The following TRPM1 variants were observed in gnomAD, a reference collection of about 807,000 sequenced individuals.
TRPM1 encodes the protein transient receptor potential cation channel subfamily M member 1.
Under a neutral mutation model 149.4 loss-of-function variants are expected in TRPM1, and 113 were observed. The observed-to-expected ratio is 0.76, with a 90% CI of 0.65 to 0.88. TRPM1 has a LOEUF of 0.88. Among genes scored for constraint, TRPM1 ranks in the 40% least tolerant of loss-of-function variants. The probability of loss-of-function intolerance (pLI) is 0.00; values close to 1 mark genes in which losing one functional copy is unlikely to be tolerated. For synonymous variants in TRPM1, 741 were observed against 759.5 expected (o/e 0.98, Z 0.40); for missense variants, 1,976 against 2,038.7 (o/e 0.97, Z 0.59).
At chr15:31,042,293 A>G in intron 16 of TRPM1, 50 bp from the exon 17 acceptor site, 3 of 1,542,314 alleles carry the variant, frequency 1.9e-6, no homozygotes, top group South Asian at 2.4e-5. Flanking sequence ...AGTATGCAAC[A>G]AAGAGTTCCA....
intron 3 of TRPM1, among the ~76,000 whole-genome samples, chr15:31,072,348 T>C (rs923043985): frequency 2.6e-5 from 4 of 152,150 alleles, no homozygotes; most frequent in Admixed American, 2.6e-4. Flanking sequence ...TAGCATGTGT[T>C]GGTACTTCAC....
chr15:31,140,883 G>C (rs1277750168), intron 1 of TRPM1, among the ~76,000 whole-genome samples: 3 of 151,864 alleles, frequency 2.0e-5, no homozygotes, highest in Non-Finnish European at 4.4e-5. Flanking sequence ...GTGTGGTGGT[G>C]CCATCTCAGC....
At chr15:31,071,421 T>C (rs56242510) in intron 3 of TRPM1, among the ~76,000 whole-genome samples, 27,892 of 152,180 alleles carry the variant, frequency 0.18, 2,862 homozygotes, top group Admixed American at 0.28. Flanking sequence ...ACGTGTGTAA[T>C]GCACATGTGC....
intron 1 of TRPM1, among the ~76,000 whole-genome samples, chr15:31,159,683 T>C (rs1265510604): frequency 6.6e-6 from 1 of 152,214 alleles, no homozygotes; most frequent in African/African-American, 2.4e-5. Context: ...TTATTTTTTC[T>C]ATTTGCATTT....
chr15:31,140,471 A>T (rs2036147661), intron 1 of TRPM1, among the ~76,000 whole-genome samples: 1 of 152,038 alleles, frequency 6.6e-6, no homozygotes, highest in Admixed American at 6.6e-5. Context: ...CTGGGGTGGG[A>T]CCCCTCATGA....
chr15:31,043,286 C>G (rs911369866), intron 16 of TRPM1, among the ~76,000 whole-genome samples: 1 of 152,174 alleles, frequency 6.6e-6, no homozygotes, highest in Non-Finnish European at 1.5e-5. Flanking sequence ...CTCTGCCTCC[C>G]GGGTTCATGC....
intron 27 of TRPM1, among the ~76,000 whole-genome samples, chr15:31,020,540 T>C (rs12901022): frequency 0.55 from 84,074 of 152,200 alleles, 24,290 homozygotes; most frequent in African/African-American, 0.7. Flanking sequence ...CTTGCATCTT[T>C]GTTATTCCTG....
At position 31,061,392 on chromosome 15, in the gene TRPM1, G is replaced by A. The variant is rs144146947; in HGVS notation, c.1162+50C>T. ...GGGAGGCCGGGAGGGAAGGATTGCCGGCTAGGCCAACATCAGAGGGACAGG... is the reference window on the plus strand; with the variant it reads ...GGGAGGCCGGGAGGGAAGGATTGCCAGCTAGGCCAACATCAGAGGGACAGG... On this transcript the variant is annotated intron_variant, in intron 10 of 27. Transcript: ENST00000256552. The A allele has an allele frequency of 1.5e-4, 243 of 1,579,920 alleles. No homozygotes were observed. In the African/African-American group the frequency reaches 2.8e-3, roughly 18 times the overall value.
Position 31,160,919 on chromosome 15 carries a change from G to C in TRPM1, c.41C>G (p.Ser14Ter). 1 of 1,535,542 alleles carries C rather than the reference G, an allele frequency of 6.5e-7. No individual in the cohort carries two copies. The highest frequency in any genetic ancestry group is 8.7e-7 in the Non-Finnish European group (1 of 1,146,740). Residue 14 changes from serine (S) to a stop codon, truncating the protein, a stop_gained, in exon 1 of 27, where the codon TCA becomes TGA. Coordinates refer to the TRPM1 transcript ENST00000542188. LOFTEE classifies it high-confidence loss of function. ...AAGCTCACTCACCTTCTGCGACCCT[G>C]ATGTGGAGCTCTTGAGCGAGCCCCG...
chr15:31,060,120 C>CGGACACACACAT, intron 11 of TRPM1: 2 of 90,744 alleles, frequency 2.2e-5, no homozygotes, highest in South Asian at 1.9e-4. Context: ...TACACACATA[C>CGGACACACACAT]AGACACACAC....
rs540844421 is a variant in TRPM1 at position 31,082,855 on chromosome 15, AC to A, written c.-83-1418del. On this transcript the variant is annotated intron_variant, in intron 1 of 27. Coordinates refer to ENST00000256552, the MANE Select transcript of TRPM1 (RefSeq NM_001252024.2). ...GAGGAAGTGTAGACAGCAAGTGTCA[AC>A]CCCGAGGAGAAGTCTTCCCCTGAAG... 5.3e-5 allele frequency among the ~76,000 whole-genome samples: 8 copies of A among 152,224 alleles called. No individual in the cohort carries two copies. In the South Asian group the frequency reaches 1.7e-3, roughly 32 times the overall value.
chr15:31,060,585 T>G lies in TRPM1; in HGVS notation c.1222A>C (p.Ile408Leu). 6.2e-7 allele frequency: 1 copy of G among 1,614,250 alleles called. No homozygotes were observed. Among genetic ancestry groups the G allele is most frequent in the Non-Finnish European group, 8.5e-7 (1 of 1,180,040 alleles). Residue 408 changes from isoleucine to leucine, a missense_variant, in exon 11 of 28, where the codon ATA becomes CTA. Coordinates refer to ENST00000256552, the MANE Select transcript of TRPM1 (RefSeq NM_001252024.2). ...AAGACAAAGATCTGGCTTCGTGCTATGTCCACGCGGTTCCAAGCCAGTGCC... is the reference window on the plus strand; with the variant it reads ...AAGACAAAGATCTGGCTTCGTGCTAGGTCCACGCGGTTCCAAGCCAGTGCC... ...SLALAWNRVDIARSQIFVFGP... is the reference protein window; with the variant it reads ...SLALAWNRVDLARSQIFVFGP...
intron 27 of TRPM1, among the ~76,000 whole-genome samples, chr15:31,005,519 T>G (rs1326987400): frequency 6.6e-6 from 1 of 151,914 alleles, no homozygotes; most frequent in Non-Finnish European, 1.5e-5. Context: ...GTGTCTCAAA[T>G]CTCCCATCCC....
chr15:31,038,603 T>C (rs2033505036), intron 18 of TRPM1, among the ~76,000 whole-genome samples: 1 of 152,108 alleles, frequency 6.6e-6, no homozygotes, highest in Non-Finnish European at 1.5e-5. Context: ...TACCAGCTAC[T>C]TGGGAGGCTG....
intron 1 of TRPM1, among the ~76,000 whole-genome samples, chr15:31,150,637 T>C (rs2036288898): frequency 1.3e-5 from 2 of 152,110 alleles, no homozygotes; most frequent in African/African-American, 2.4e-5. Flanking sequence ...GGTTTCACCA[T>C]GTTGGCCGGG....
At chr15:31,032,305 G>GT (rs1251595332) in intron 22 of TRPM1, among the ~76,000 whole-genome samples, 1 of 151,918 alleles carries the variant, frequency 6.6e-6, no homozygotes, top group Non-Finnish European at 1.5e-5. Context: ...AAAAACAAAC[G>GT]TAATTAGTCA....
Position 31,032,880 on chromosome 15 carries a change from A to G in TRPM1, c.2761T>C (p.Trp921Arg). The G allele has an allele frequency of 6.2e-7, 1 of 1,614,242 alleles. No individual in the cohort carries two copies. Among genetic ancestry groups the G allele is most frequent in the Middle Eastern group, 1.6e-4 (1 of 6,062 alleles). Reference sequence around the variant, plus strand: ...ATGGCCACGAGATCTGTGATGTTCCAGTACTCCTGAAGCCAAACTTTGATT... The same window carrying G: ...ATGGCCACGAGATCTGTGATGTTCCGGTACTCCTGAAGCCAAACTTTGATT... ...QKIKVWLQEY[W>R]NITDLVAIST... is the part of the protein sequence containing the mutation. Residue 921 changes from tryptophan to arginine, a missense_variant, in exon 22 of 28, where the codon TGG (tryptophan) becomes CGG (arginine). Physicochemically the swap from Trp to Arg is moderately radical, Grantham distance 101. Around this residue, in one of 3 missense-constraint regions of TRPM1, gnomAD observed 1,332 missense variants for 1,347.1 expected, o/e 0.99. Coordinates refer to ENST00000256552, the MANE Select transcript of TRPM1 (RefSeq NM_001252024.2).
At chr15:31,101,858 C>A, upstream of TRPM1, 1 of 343,036 alleles carries the variant, frequency 2.9e-6, no homozygotes, top group Non-Finnish European at 4.1e-6. Flanking sequence ...GAAAAGGAAG[C>A]CAGGGCCCCA....
intron 27 of TRPM1, among the ~76,000 whole-genome samples, chr15:31,025,798 G>A (rs1328509275): frequency 6.6e-6 from 1 of 152,230 alleles, no homozygotes; most frequent in Non-Finnish European, 1.5e-5. Context: ...TGCTCGCAAA[G>A]GGAAGTTAGG....
Sources: allele counts gnomAD v4.1 joint callset (sites outside exome capture counted in the v4.1 genomes callset), GRCh38; gene constraint gnomAD v4.1.1; regional missense constraint gnomAD v4.1.1; transcripts MANE v1.5; gene names NCBI Gene and HGNC (gene_info 2026-07-23, HGNC 2026-07-21).